The following MTHFD2 variants were observed in gnomAD, a reference collection of about 807,000 sequenced individuals.
MTHFD2 encodes methylenetetrahydrofolate dehydrogenase (NADP+ dependent) 2, methenyltetrahydrofolate cyclohydrolase.
MTHFD2 carries 26 observed loss-of-function variants against 36.8 expected under a neutral mutation model. That is an observed-to-expected ratio of 0.71 (90% CI 0.52 to 0.98). The LOEUF (loss-of-function observed/expected upper bound fraction) is 0.98. Among genes scored for constraint, MTHFD2 ranks in the 50% least tolerant of loss-of-function variants. The pLI, the probability that MTHFD2 is intolerant of heterozygous loss-of-function variation, is 0.00. For missense variants in MTHFD2, 373 were observed against 434.0 expected, an observed-to-expected ratio of 0.86 and a Z score of 1.25; for synonymous variants, 164 against 155.2, an observed-to-expected ratio of 1.06 and a Z score of -0.42.
chr2:74,200,545 CTTTTTT>C (rs907973919), intron 1 of MTHFD2, among the ~76,000 whole-genome samples: 4 of 143,346 alleles, frequency 2.8e-5, no homozygotes, highest in Non-Finnish European at 6.1e-5. Context: ...AGTCTGCATT[CTTTTTT>C]TTTTTTTCTT....
At chr2:74,198,980 C>T (rs1376301274) in intron 1 of MTHFD2, among the ~76,000 whole-genome samples, 1 of 152,138 alleles carries the variant, frequency 6.6e-6, no homozygotes, top group African/African-American at 2.4e-5. Flanking sequence ...CGGAGGGAGC[C>T]GCTCTCCTGC....
chr2:74,198,830 G>A, intron 1 of MTHFD2, 88 bp downstream of exon 1: 1 of 1,254,352 alleles, frequency 8.0e-7, no homozygotes, highest in Non-Finnish European at 1.1e-6. Flanking sequence ...GACACCGAGG[G>A]AAGTCCTTCC....
chr2:74,207,704 G>GA lies in MTHFD2; in HGVS notation c.289dup (p.Ile97AsnfsTer4), dbSNP rs1190878320. 10 of 1,602,106 alleles carry GA rather than the reference G, an allele frequency of 6.2e-6. No homozygotes were observed. The highest frequency in any genetic ancestry group is 8.5e-6 in the Non-Finnish European group (10 of 1,170,916). On this transcript the variant is annotated frameshift_variant and splice_region_variant, in exon 3 of 8. Transcript: ENST00000394053. LOFTEE classifies it high-confidence loss of function. The stretch of plus-strand genomic sequence containing the variant: ...TTAACCTCAAAATTTCTTATAATAG[G>GA]AATCAACAGTGAGACAATTATGAAA...
intron 5 of MTHFD2, 61 bp downstream of exon 5, chr2:74,210,110 C>G: frequency 7.4e-7 from 1 of 1,346,844 alleles, no homozygotes; most frequent in Non-Finnish European, 1.0e-6. Context: ...CTTTCAGAAG[C>G]CATCCTGTGC....
intron 7 of MTHFD2, 82 bp from the exon 8 acceptor site, chr2:74,213,997 C>T: frequency 1.4e-6 from 2 of 1,433,998 alleles, no homozygotes; most frequent in Admixed American, 2.3e-5. Flanking sequence ...TTTTTCCTTG[C>T]ATGCTTGTTT....
chr2:74,206,027 A>G, intron 2 of MTHFD2, 138 bp downstream of exon 2: 1 of 837,844 alleles, frequency 1.2e-6, no homozygotes. Context: ...GTATCCCAAA[A>G]CTTTGTCATA....
At position 74,198,637 on chromosome 2, in the gene MTHFD2, G is replaced by T; in HGVS notation, c.-5G>T. Reference sequence around the variant, plus strand: ...TCCCTCCCGGCGCAGTCACCGGCGCGGTCTATGGCTGCGACTTCTCTAATG... The same window carrying T: ...TCCCTCCCGGCGCAGTCACCGGCGCTGTCTATGGCTGCGACTTCTCTAATG... On this transcript the variant is annotated 5_prime_UTR_variant, in exon 1 of 8. Transcript: ENST00000394053. 3.1e-6 allele frequency: 5 copies of T among 1,600,110 alleles called. No homozygotes were observed. The highest frequency in any genetic ancestry group is 4.3e-6 in the Non-Finnish European group (5 of 1,172,956).
intron 1 of MTHFD2, among the ~76,000 whole-genome samples, 166 bp downstream of exon 1, chr2:74,198,908 G>A (rs2103797523): frequency 6.6e-6 from 1 of 152,272 alleles, no homozygotes; most frequent in Middle Eastern, 3.4e-3. Context: ...ACCGAGCGCC[G>A]CCGCAGCTCT....
intron 1 of MTHFD2, among the ~76,000 whole-genome samples, chr2:74,202,887 AAT>A (rs1255380925): frequency 6.6e-6 from 1 of 152,160 alleles, no homozygotes; most frequent in Non-Finnish European, 1.5e-5. Flanking sequence ...TGTGAATATT[AAT>A]ATGTTTTCAA....
intron 2 of MTHFD2, among the ~76,000 whole-genome samples, chr2:74,207,214 C>T (rs1482811292): frequency 1.3e-5 from 2 of 151,762 alleles, no homozygotes; most frequent in African/African-American, 4.8e-5. Flanking sequence ...CTGCAACCCC[C>T]GCCTCCCAGG....
chr2:74,203,906 G>GTTTAGT lies in MTHFD2; in HGVS notation c.102-1797_102-1796insTAGTTT, dbSNP rs369717981. The stretch of plus-strand genomic sequence containing the variant: ...GTTTAGTTTAGTTTAGTTTAGTTTA[G>GTTTAGT]TTAGTTTAGTTTAGTTTAGTTTTTT... On this transcript the variant is annotated intron_variant, in intron 1 of 7. Transcript: ENST00000394053. Among the ~76,000 whole-genome samples, 49 of 29,502 alleles carry GTTTAGT rather than the reference G, an allele frequency of 1.7e-3. 3 individuals carry two copies. Among genetic ancestry groups the GTTTAGT allele is most frequent in the African/African-American group, 3.3e-3 (24 of 7,168 alleles). The allele number at this position is 29,502 out of a possible 152,430, so 19.4% of individuals were successfully genotyped here.
intron 3 of MTHFD2, among the ~76,000 whole-genome samples, chr2:74,208,285 T>C (rs945615111): frequency 2.0e-5 from 3 of 152,236 alleles, no homozygotes; most frequent in Non-Finnish European, 2.9e-5. Context: ...AGAGTGAATA[T>C]TTTATTAGAA....
At chr2:74,211,556 T>C (rs1435975994) in intron 6 of MTHFD2, 185 bp from the exon 7 acceptor site, 2 of 545,326 alleles carry the variant, frequency 3.7e-6, no homozygotes, top group Admixed American at 3.8e-5. Context: ...GTTCCTTTTG[T>C]TTCCTGTCAG....
chr2:74,203,087 G>T (rs1306432248), intron 1 of MTHFD2, among the ~76,000 whole-genome samples: 1 of 151,992 alleles, frequency 6.6e-6, no homozygotes, highest in Non-Finnish European at 1.5e-5. Context: ...TGCAACCTAT[G>T]CCTCCTGGGT....
intron 7 of MTHFD2, 77 bp downstream of exon 7, chr2:74,211,943 ACTT>A (rs1236274228): frequency 1.6e-4 from 109 of 690,858 alleles, no homozygotes; most frequent in Non-Finnish European, 1.9e-4. Flanking sequence ...TAGATTATTT[ACTT>A]TTTTTTTTTT....
At chr2:74,200,195 C>T (rs1004439103) in intron 1 of MTHFD2, among the ~76,000 whole-genome samples, 1 of 152,022 alleles carries the variant, frequency 6.6e-6, no homozygotes, top group Middle Eastern at 3.2e-3. Flanking sequence ...GTTTTCTCCC[C>T]TTCTCCCTCT....
At chr2:74,206,127 ACATT>A (rs1471917845) in intron 2 of MTHFD2, 2 of 379,862 alleles carry the variant, frequency 5.3e-6, no homozygotes, top group Non-Finnish European at 9.7e-6. Context: ...AATATAAGCT[ACATT>A]CTGTTCTTAG....
At position 74,198,679 on chromosome 2, in the gene MTHFD2, G is replaced by A. The variant is rs777889195; in HGVS notation, c.38G>A (p.Arg13Gln). Reference sequence around the variant, plus strand: ...TCTCTAATGTCTGCTTTGGCTGCCCGGCTGCTGCAGCCCGCGCACAGCTGC... The same window carrying A: ...TCTCTAATGTCTGCTTTGGCTGCCCAGCTGCTGCAGCCCGCGCACAGCTGC... Reference protein sequence around the residue: ...ATSLMSALAARLLQPAHSCSL... With the variant: ...ATSLMSALAAQLLQPAHSCSL... The change falls in exon 1 of 8, where the codon CGG (arginine) becomes CAG (glutamine). Residue 13 changes from arginine to glutamine, a missense_variant. Coordinates refer to ENST00000394053, the MANE Select transcript of MTHFD2 (RefSeq NM_006636.4). 1.9e-6 allele frequency: 3 copies of A among 1,611,168 alleles called. No homozygotes were observed. Among genetic ancestry groups the A allele is most frequent in the Non-Finnish European group, 2.5e-6 (3 of 1,178,982 alleles).
chr2:74,213,222 G>A (rs1355108644), intron 7 of MTHFD2, among the ~76,000 whole-genome samples: 4 of 146,264 alleles, frequency 2.7e-5, no homozygotes, highest in African/African-American at 1.0e-4. Flanking sequence ...CAGTTCTTAA[G>A]ATAGAATGTT....
Sources: gnomAD v4.1 joint callset for allele counts (sites outside exome capture counted in the v4.1 genomes callset) on GRCh38, gnomAD v4.1.1 for gene constraint, MANE v1.5 for transcripts, NCBI Gene and HGNC (gene_info 2026-07-23, HGNC 2026-07-21) for gene names.